Variants in CASZ1 observed in about 807,000 individuals in gnomAD.
CASZ1 encodes the protein zinc finger protein castor homolog 1.
Under a neutral mutation model 135.2 loss-of-function variants are expected in CASZ1, and 28 were observed. The observed-to-expected ratio is 0.21, with a 90% CI of 0.15 to 0.28. CASZ1 has a LOEUF of 0.28. Among genes scored for constraint, CASZ1 ranks in the 10% least tolerant of loss-of-function variants. The pLI, the probability that CASZ1 is intolerant of heterozygous loss-of-function variation, is 1.00. For synonymous variants in CASZ1, 1,068 were observed against 1,073.4 expected, an observed-to-expected ratio of 0.99 and a Z score of 0.10; for missense variants, 2,161 against 2,453.3, an observed-to-expected ratio of 0.88 and a Z score of 2.52.
chr1:10,769,400 A>C (rs1640534526), intron 1 of CASZ1, among the ~76,000 whole-genome samples: 1 of 152,258 alleles, frequency 6.6e-6, no homozygotes, highest in Non-Finnish European at 1.5e-5. Context: ...AGTTTAAAGA[A>C]GCTAGAGGCT....
chr1:10,758,106 C>G (rs557040493), intron 2 of CASZ1, among the ~76,000 whole-genome samples: 1 of 152,182 alleles, frequency 6.6e-6, no homozygotes, highest in Non-Finnish European at 1.5e-5. Flanking sequence ...AATGTCACCA[C>G]GTCCTTGAGA....
At position 10,650,855 on chromosome 1, in the gene CASZ1, T is replaced by A. The variant is rs1642550667; in HGVS notation, c.2816+86A>T. 7 of 1,602,912 alleles carry A rather than the reference T, an allele frequency of 4.4e-6. No individual in the cohort carries two copies. The South Asian group carries it at 6.6e-5, about 15-fold the overall frequency. ...ACCCTGGGGCTCCAGCCGAGCCCGC[T>A]GCAACTGCCTGGGCGGGACCACCCC... On this transcript the variant is annotated intron_variant, in intron 12 of 20. Transcript: ENST00000377022.
chr1:10,639,606 T>C lies in CASZ1; in HGVS notation c.4616A>G (p.Lys1539Arg). The C allele has an allele frequency of 6.2e-7, 1 of 1,611,520 alleles. No homozygotes were observed. The highest frequency in any genetic ancestry group is 8.5e-7 in the Non-Finnish European group (1 of 1,179,786). Residue 1539 changes from lysine to arginine, a missense_variant, in exon 21 of 21, where the codon AAA (lysine) becomes AGA (arginine). Around this residue, in one of 7 missense-constraint regions of CASZ1, gnomAD observed 240 missense variants for 321.4 expected, o/e 0.75. Coordinates refer to ENST00000377022, the MANE Select transcript of CASZ1 (RefSeq NM_001079843.3). The surrounding 1 kb of genome is among the most constrained non-coding windows in gnomAD (Gnocchi z 4.0). ...KVTAHRKHHG[K>R]QDVISAAGFC... ...GCCCGCGGCGCTGATCACGTCCTGT[T>C]TGCCGTGGTGCTTGCGATGCGCCGT...
chr1:10,739,543 G>A lies in CASZ1; in HGVS notation c.-77+21158C>T, dbSNP rs918487905. Among the ~76,000 whole-genome samples the A allele has an allele frequency of 3.3e-5, 5 of 152,098 alleles. No homozygotes were observed. The highest frequency in any genetic ancestry group is 7.4e-5 in the Non-Finnish European group (5 of 68,016). On this transcript the variant is annotated intron_variant, in intron 2 of 20. Coordinates refer to ENST00000377022, the MANE Select transcript of CASZ1 (RefSeq NM_001079843.3). This position sits in a 1 kb window ranked among gnomAD's most constrained non-coding sequence, Gnocchi z 4.8. ...CCTTTCCCTGAGCCCTCCGCCCCCCGGGCCCACTCCCCGTTCTCCCAGCCT... is the reference window on the plus strand; with the variant it reads ...CCTTTCCCTGAGCCCTCCGCCCCCCAGGCCCACTCCCCGTTCTCCCAGCCT...
chr1:10,743,027 C>A lies in CASZ1; in HGVS notation c.-77+17674G>T, dbSNP rs1175074514. 1.3e-5 allele frequency among the ~76,000 whole-genome samples: 2 copies of A among 152,084 alleles called. 1 individual carries two copies. Among genetic ancestry groups the A allele is most frequent in the African/African-American group, 4.8e-5 (2 of 41,412 alleles). The stretch of plus-strand genomic sequence containing the variant: ...AAAGCCTCTGAGCAAGAAGCCTGGG[C>A]CAGTTCCTGGGGGTGGAGCAGCCCC... On this transcript the variant is annotated intron_variant, in intron 2 of 20. Coordinates refer to ENST00000377022, the MANE Select transcript of CASZ1 (RefSeq NM_001079843.3).
rs371580201 is a variant in CASZ1, at chr1:10,641,015, G to T, written c.4163-956C>A. 5.3e-5 allele frequency among the ~76,000 whole-genome samples: 8 copies of T among 152,356 alleles called. No individual in the cohort carries two copies. In the East Asian group the frequency reaches 1.4e-3, roughly 26 times the overall value. ...AAGCTCTCTGACCAGCCCCACCAGA[G>T]CGTGGGTAGCCTCTGGGCTCCTCCC... On this transcript the variant is annotated intron_variant, in intron 20 of 20. Coordinates refer to ENST00000377022, the MANE Select transcript of CASZ1 (RefSeq NM_001079843.3).
chr1:10,648,034 C>T lies in CASZ1; in HGVS notation c.3264G>A (p.Pro1088=), dbSNP rs765564417. Residue 1088 remains proline (P), a synonymous_variant, in exon 16 of 21, where the codon CCG becomes CCA. Transcript: ENST00000377022. ...TKPPMAPSSP[P]VPPVTTATVS... ...CCGTGGCCGTGGTGACAGGAGGGAC[C>T]GGAGGGGACGAGGGGGCCATGGGAG... 13 of 1,599,510 alleles carry T rather than the reference C, an allele frequency of 8.1e-6. No homozygotes were observed. The highest frequency in any genetic ancestry group is 3.4e-4 in the Middle Eastern group (2 of 5,964).
chr1:10,790,480 T>C lies in CASZ1; in HGVS notation c.-234+6084A>G, dbSNP rs575794369. Reference sequence around the variant, plus strand: ...GGTTCCCTCTGCTCATGTCTGTTTTTCTGATATAGACATCAAGAGGTTACG... The same window carrying C: ...GGTTCCCTCTGCTCATGTCTGTTTTCCTGATATAGACATCAAGAGGTTACG... On this transcript the variant is annotated intron_variant, in intron 1 of 20. Coordinates refer to ENST00000377022, the MANE Select transcript of CASZ1 (RefSeq NM_001079843.3). 2.6e-5 allele frequency among the ~76,000 whole-genome samples: 4 copies of C among 152,356 alleles called. No individual in the cohort carries two copies. The East Asian group carries it at 7.7e-4, about 29-fold the overall frequency.
At position 10,706,260 on chromosome 1, in the gene CASZ1, C is replaced by G. The variant is rs1416677863; in HGVS notation, c.-76-716G>C. Among the ~76,000 whole-genome samples the G allele has an allele frequency of 6.6e-6, 1 of 152,192 alleles. No homozygotes were observed. The highest frequency in any genetic ancestry group is 2.4e-5 in the African/African-American group (1 of 41,456). On this transcript the variant is annotated intron_variant, in intron 2 of 20. Coordinates refer to ENST00000377022, the MANE Select transcript of CASZ1 (RefSeq NM_001079843.3). This position sits in a 1 kb window ranked among gnomAD's most constrained non-coding sequence, Gnocchi z 4.3. Reference sequence around the variant, plus strand: ...AGCGTGCCAGGCTGGGGCCCTCCTGCCCAGATAATGAGTTTGGGGAGCCAG... The same window carrying G: ...AGCGTGCCAGGCTGGGGCCCTCCTGGCCAGATAATGAGTTTGGGGAGCCAG...
chr1:10,706,610 C>T lies in CASZ1; in HGVS notation c.-76-1066G>A, dbSNP rs1312484237. On this transcript the variant is annotated intron_variant, in intron 2 of 20. Transcript: ENST00000377022. The surrounding 1 kb of genome is among the most constrained non-coding windows in gnomAD (Gnocchi z 4.3). ...AGTCCCACCGCCCGCTCTCCGGTTCCCAGGACATATTTAGACAGATAATGC... is the reference window on the plus strand; with the variant it reads ...AGTCCCACCGCCCGCTCTCCGGTTCTCAGGACATATTTAGACAGATAATGC... Among the ~76,000 whole-genome samples, 2 of 152,222 alleles carry T rather than the reference C, an allele frequency of 1.3e-5. No homozygotes were observed. Among genetic ancestry groups the T allele is most frequent in the Non-Finnish European group, 2.9e-5 (2 of 68,026 alleles).
In CASZ1 at chr1:10,639,784, GC is replaced by G; in HGVS notation, c.4437del (p.Gln1479HisfsTer64). 6.2e-7 allele frequency: 1 copy of G among 1,604,220 alleles called. No individual in the cohort carries two copies. The highest frequency in any genetic ancestry group is 8.5e-7 in the Non-Finnish European group (1 of 1,175,928). ...CGRTHMYKHA[Q>X]HHDRVDNLVL... ...ACCAGGTTGTCCACGCGGTCGTGGT[GC>G]TGCGCGTGCTTGTACATGTGCGTGC... On this transcript the variant is annotated frameshift_variant, in exon 21 of 21. Transcript: ENST00000377022. LOFTEE classifies it high-confidence loss of function. The surrounding 1 kb of genome is among the most constrained non-coding windows in gnomAD (Gnocchi z 4.0).
At chr1:10,643,420 A>G in intron 18 of CASZ1, 109 bp from the exon 19 acceptor site, 1 of 1,208,910 alleles carries the variant, frequency 8.3e-7, no homozygotes, top group Non-Finnish European at 1.2e-6. Context: ...TCAGTAAGGC[A>G]GATGGTATCT....
chr1:10,761,981 G>A (rs1034474268), intron 1 of CASZ1, among the ~76,000 whole-genome samples: 3 of 152,168 alleles, frequency 2.0e-5, no homozygotes, highest in Admixed American at 6.5e-5. Flanking sequence ...TTCCTGAAGC[G>A]TGTGAGCGGG....
Position 10,675,147 on chromosome 1 carries a change from C to T in CASZ1, c.17-9576G>A, listed in dbSNP as rs550100350. 1.1e-4 allele frequency among the ~76,000 whole-genome samples: 17 copies of T among 152,344 alleles called. No individual in the cohort carries two copies. The East Asian group carries it at 3.3e-3, about 29-fold the overall frequency. ...TTGCACAGAAAAGCTCACGGCAGGTCCCCCCTCCTGACGAAGTGACTTATT... is the reference window on the plus strand; with the variant it reads ...TTGCACAGAAAAGCTCACGGCAGGTTCCCCCTCCTGACGAAGTGACTTATT... On this transcript the variant is annotated intron_variant, in intron 4 of 20. Coordinates refer to ENST00000377022, the MANE Select transcript of CASZ1 (RefSeq NM_001079843.3).
intron 2 of CASZ1, among the ~76,000 whole-genome samples, chr1:10,716,267 C>T (rs1444467384): frequency 2.6e-5 from 4 of 151,878 alleles, no homozygotes; most frequent in African/African-American, 9.7e-5. Flanking sequence ...CAATCCCCAC[C>T]CCACAGCACC....
chr1:10,672,234 G>A (rs1247355014), intron 4 of CASZ1, among the ~76,000 whole-genome samples: 2 of 15,220 alleles, frequency 1.3e-4, no homozygotes, highest in Non-Finnish European at 1.3e-4. Context: ...CCTCCCCTCC[G>A]CACTATAAAA....
At position 10,724,106 on chromosome 1, in the gene CASZ1, G is replaced by A. The variant is rs954142700; in HGVS notation, c.-76-18562C>T. ...ACCACAGCACACTTTGGGAGAAGGTGGAAGAGTCCTCCCCATCTTTGCCAA... is the reference window on the plus strand; with the variant it reads ...ACCACAGCACACTTTGGGAGAAGGTAGAAGAGTCCTCCCCATCTTTGCCAA... On this transcript the variant is annotated intron_variant, in intron 2 of 20. Coordinates refer to ENST00000377022, the MANE Select transcript of CASZ1 (RefSeq NM_001079843.3). The surrounding 1 kb of genome is among the most constrained non-coding windows in gnomAD (Gnocchi z 4.1). Among the ~76,000 whole-genome samples the A allele has an allele frequency of 5.3e-5, 8 of 152,170 alleles. No individual in the cohort carries two copies. Among genetic ancestry groups the A allele is most frequent in the Admixed American group, 5.2e-4 (8 of 15,290 alleles).
chr1:10,752,556 G>T (rs1406478512), intron 2 of CASZ1, among the ~76,000 whole-genome samples: 1 of 152,198 alleles, frequency 6.6e-6, no homozygotes, highest in Admixed American at 6.5e-5. Flanking sequence ...CTGTGGGAGT[G>T]GAGGTCATCG....
chr1:10,789,623 A>G (rs1166318365), intron 1 of CASZ1, among the ~76,000 whole-genome samples: 1 of 151,808 alleles, frequency 6.6e-6, no homozygotes, highest in Non-Finnish European at 1.5e-5. Flanking sequence ...CACCAAAGAC[A>G]CATAGGACAA....
Sources: gnomAD v4.1 joint callset for allele counts (sites outside exome capture counted in the v4.1 genomes callset) on GRCh38, gnomAD v4.1.1 for gene constraint, gnomAD v4.1.1 regional missense constraint, Gnocchi (gnomAD v3.1) non-coding constraint, MANE v1.5 for transcripts, NCBI Gene and HGNC (gene_info 2026-07-23, HGNC 2026-07-21) for gene names.